Variants in TBX19 observed in about 807,000 individuals in gnomAD.
TBX19 encodes the protein T-box transcription factor 19.
A neutral mutation model predicts 40.9 loss-of-function variants in TBX19; 33 were observed. The observed-to-expected ratio is 0.81, with a 90% CI of 0.61 to 1.08. TBX19 has a LOEUF of 1.08. Ranked by LOEUF, TBX19 falls within the 50% of genes least tolerant of loss-of-function variation. The probability of loss-of-function intolerance (pLI) is 0.00; values close to 1 mark genes in which losing one functional copy is unlikely to be tolerated. For missense variants in TBX19, 494 were observed against 574.0 expected (o/e 0.86, Z 1.42); for synonymous variants, 220 against 225.0 (o/e 0.98, Z 0.20).
chr1:168,308,945 G>A, intron 7 of TBX19, 68 bp downstream of exon 7: 1 of 1,609,136 alleles, frequency 6.2e-7, no homozygotes, highest in Non-Finnish European at 8.5e-7. Flanking sequence ...GGGGACTCAA[G>A]TTCATTCTTT....
At chr1:168,308,975 T>A (rs1649466944) in intron 7 of TBX19, 98 bp downstream of exon 7, 3 of 1,544,840 alleles carry the variant, frequency 1.9e-6, no homozygotes, top group Non-Finnish European at 2.7e-6. Context: ...TGGCTTGGTC[T>A]AACCTATTGT....
At chr1:168,307,146 A>T (rs1468117628) in intron 6 of TBX19, among the ~76,000 whole-genome samples, 1 of 151,898 alleles carries the variant, frequency 6.6e-6, no homozygotes, top group South Asian at 2.1e-4. Flanking sequence ...CAGATGGAAG[A>T]TGTAAGAGTT....
intron 3 of TBX19, among the ~76,000 whole-genome samples, chr1:168,294,919 C>T (rs1649063154): frequency 6.6e-6 from 1 of 152,128 alleles, no homozygotes; most frequent in African/African-American, 2.4e-5. Context: ...CTCAAAATGG[C>T]ATCTCTATTT....
At chr1:168,293,043 G>T (rs1648985643) in intron 2 of TBX19, 101 bp from the exon 3 acceptor site, 6 of 1,588,762 alleles carry the variant, frequency 3.8e-6, no homozygotes, top group African/African-American at 1.3e-5. Flanking sequence ...CCTAACCGGG[G>T]TGGTGCTAAG....
Position 168,308,821 on chromosome 1 carries a change from C to T in TBX19, c.996C>T (p.Pro332=), listed in dbSNP as rs575236571. 1.9e-6 allele frequency: 3 copies of T among 1,614,140 alleles called. No homozygotes were observed. In the South Asian group the frequency reaches 3.3e-5, roughly 18 times the overall value. Residue 332 remains proline (P), a synonymous_variant, in exon 7 of 8, where the codon CCC becomes CCT. Transcript: ENST00000367821. ...GCTGGACTTCCTTATCCTCCACACC[C>T]CATGCCAGCATCCTGTCTGTACCCC... is the stretch of plus-strand genomic sequence containing the variant. ...PDSWTSLSST[P]HASILSVPHT...
At chr1:168,295,803 C>G (rs1649089999) in intron 3 of TBX19, among the ~76,000 whole-genome samples, 1 of 152,274 alleles carries the variant, frequency 6.6e-6, no homozygotes, top group Non-Finnish European at 1.5e-5. Flanking sequence ...TCCTAACCTC[C>G]TCTGGTCTCC....
chr1:168,302,442 C>T (rs1380603913), intron 5 of TBX19, among the ~76,000 whole-genome samples: 1 of 152,194 alleles, frequency 6.6e-6, no homozygotes, highest in Non-Finnish European at 1.5e-5. Context: ...TAAGGAACAG[C>T]TCTGTTTCTA....
At chr1:168,290,459 G>C (rs185599408) in intron 1 of TBX19, among the ~76,000 whole-genome samples, 2 of 152,350 alleles carry the variant, frequency 1.3e-5, no homozygotes, top group African/African-American at 4.8e-5. Flanking sequence ...GTGTACATGG[G>C]TATGTTAAAG....
intron 1 of TBX19, among the ~76,000 whole-genome samples, chr1:168,288,287 A>G (rs1234626542): frequency 6.6e-6 from 1 of 151,610 alleles, no homozygotes; most frequent in African/African-American, 2.4e-5. Flanking sequence ...TTTTTTTTGT[A>G]TTATTTTTTA....
At chr1:168,284,841 G>A (rs896782548) in intron 1 of TBX19, among the ~76,000 whole-genome samples, 1 of 151,200 alleles carries the variant, frequency 6.6e-6, no homozygotes, top group Admixed American at 6.6e-5. Context: ...TTTCACCTAA[G>A]GGGAAAATGC....
chr1:168,293,448 C>T (rs1344288640), intron 3 of TBX19, among the ~76,000 whole-genome samples, 170 bp downstream of exon 3: 2 of 152,036 alleles, frequency 1.3e-5, no homozygotes, highest in Non-Finnish European at 2.9e-5. Flanking sequence ...TAGCTGCTCT[C>T]CCTCCCTCTT....
intron 1 of TBX19, among the ~76,000 whole-genome samples, chr1:168,290,810 T>G (rs1345969813): frequency 6.6e-6 from 1 of 152,174 alleles, no homozygotes; most frequent in Admixed American, 6.5e-5. Context: ...TTTGTGAGGT[T>G]GGGAAGGGCT....
rs186738215 is a variant in TBX19 at position 168,310,207 on chromosome 1, C to T, written c.1052+1330C>T. Among the ~76,000 whole-genome samples, 163 of 151,818 alleles carry T rather than the reference C, an allele frequency of 1.1e-3. 2 individuals carry two copies. Among genetic ancestry groups the T allele is most frequent in the Middle Eastern group, 6.8e-3 (2 of 294 alleles). Reference sequence around the variant, plus strand: ...ATCCCAGCTACTTGGGAAGCTGAGGCAGGAGTATCACTTGAACTCAGGAGG... The same window carrying T: ...ATCCCAGCTACTTGGGAAGCTGAGGTAGGAGTATCACTTGAACTCAGGAGG... On this transcript the variant is annotated intron_variant, in intron 7 of 7. Transcript: ENST00000367821.
At position 168,281,015 on chromosome 1, in the gene TBX19, C is replaced by T; in HGVS notation, c.-76C>T. On this transcript the variant is annotated 5_prime_UTR_variant, in exon 1 of 8. Coordinates refer to ENST00000367821, the MANE Select transcript of TBX19 (RefSeq NM_005149.3). Reference sequence around the variant, plus strand: ...GCACTGTTCAAGTGGGTTTGAAAAGCAGGCAAGTGAGGGAAGGAAGAAGCT... The same window carrying T: ...GCACTGTTCAAGTGGGTTTGAAAAGTAGGCAAGTGAGGGAAGGAAGAAGCT... 7.0e-7 allele frequency: 1 copy of T among 1,422,854 alleles called. No individual in the cohort carries two copies. The highest frequency in any genetic ancestry group is 9.8e-7 in the Non-Finnish European group (1 of 1,015,246). The allele number at this position is 1,422,854 out of a possible 1,614,324, so 88.1% of individuals were successfully genotyped here.
chr1:168,309,458 A>T (rs936131224), intron 7 of TBX19, among the ~76,000 whole-genome samples: 5 of 152,222 alleles, frequency 3.3e-5, no homozygotes, highest in African/African-American at 9.6e-5. Context: ...AATACTTTAA[A>T]CTATGGTGGT....
intron 3 of TBX19, among the ~76,000 whole-genome samples, chr1:168,294,884 A>G (rs112675227): frequency 0.058 from 8,881 of 152,242 alleles, 751 homozygotes; most frequent in African/African-American, 0.19. Flanking sequence ...ACCTAGAAAC[A>G]GATAGACATG....
chr1:168,288,552 G>A (rs1220155238), intron 1 of TBX19, among the ~76,000 whole-genome samples: 1 of 152,140 alleles, frequency 6.6e-6, no homozygotes, highest in Non-Finnish European at 1.5e-5. Flanking sequence ...ACAAACAAAA[G>A]TGTCTCGCCT....
intron 7 of TBX19, 30 bp from the exon 8 acceptor site, chr1:168,312,678 T>A (rs373229305): frequency 5.0e-6 from 8 of 1,605,160 alleles, no homozygotes; most frequent in Non-Finnish European, 5.9e-6. Context: ...CCAGTGAACA[T>A]TCCCTTCCCC....
chr1:168,302,377 C>G (rs765277255), intron 5 of TBX19, among the ~76,000 whole-genome samples: 2 of 152,174 alleles, frequency 1.3e-5, no homozygotes, highest in South Asian at 4.1e-4. Context: ...GTTCTAATAT[C>G]AAGCTCCATT....
Sources: gnomAD v4.1 joint callset for allele counts (sites outside exome capture counted in the v4.1 genomes callset) on GRCh38, gnomAD v4.1.1 for gene constraint, MANE v1.5 for transcripts, NCBI Gene and HGNC (gene_info 2026-07-23, HGNC 2026-07-21) for gene names.